PFKL: variants seen among roughly 807,000 people sequenced by gnomAD.
PFKL encodes phosphofructokinase, liver type.
In PFKL, 74 loss-of-function variants were observed where a neutral mutation model predicts 92.1. The ratio of observed to expected loss-of-function variants is 0.80; its 90% confidence interval spans 0.67 to 0.97. PFKL has a LOEUF of 0.97. PFKL is among the 50% of genes least tolerant of loss of function. The pLI is 0.00. For missense variants in PFKL, 1,028 were observed against 1,116.6 expected (o/e 0.92, Z 1.13); for synonymous variants, 494 against 456.4 (o/e 1.08, Z -1.05).
intron 10 of PFKL, among the ~76,000 whole-genome samples, chr21:44,319,104 C>T (rs754887934): frequency 2.0e-5 from 3 of 152,114 alleles, no homozygotes; most frequent in Non-Finnish European, 4.4e-5. Context: ...AGTGCCCTGC[C>T]TGGAGCTGGA....
At chr21:44,320,190 G>C in intron 12 of PFKL, 43 bp downstream of exon 12, 1 of 1,558,424 alleles carries the variant, frequency 6.4e-7, no homozygotes, top group African/African-American at 1.4e-5. Flanking sequence ...AACGGGCTCA[G>C]TTATTCTGCA....
At chr21:44,318,358 C>G in intron 9 of PFKL, 112 bp from the exon 10 acceptor site, 1 of 1,213,534 alleles carries the variant, frequency 8.2e-7, no homozygotes, top group East Asian at 2.8e-5. Flanking sequence ...CTGGAAGCTT[C>G]CGTCAGCGTG....
rs2146009409 is a variant in PFKL, at chr21:44,321,890, G to T, written c.1338+15G>T. 1 of 1,520,494 alleles carries T rather than the reference G, an allele frequency of 6.6e-7. No homozygotes were observed. The highest frequency in any genetic ancestry group is 8.8e-7 in the Non-Finnish European group (1 of 1,132,076). The allele number at this position is 1,520,494 out of a possible 1,614,324, so 94.2% of individuals were successfully genotyped here. The stretch of plus-strand genomic sequence containing the variant: ...CCAAGGGTCAGGTGGGTCCGGCCGG[G>T]GCAAACAAGTGAGGACTTGGGCCTT... On this transcript the variant is annotated intron_variant, in intron 13 of 21. Coordinates refer to ENST00000349048, the MANE Select transcript of PFKL (RefSeq NM_002626.6).
At chr21:44,316,214 C>T (rs747724992) in intron 7 of PFKL, 30 bp from the exon 8 acceptor site, 1 of 1,604,584 alleles carries the variant, frequency 6.2e-7, no homozygotes, top group South Asian at 1.1e-5. Flanking sequence ...CCCTGCCTGG[C>T]AGCTGAGCCC....
At chr21:44,318,322 C>T (rs929342391) in intron 9 of PFKL, 148 bp from the exon 10 acceptor site, 6 of 780,358 alleles carry the variant, frequency 7.7e-6, no homozygotes, top group South Asian at 3.2e-5. Context: ...TGGTCAGACA[C>T]GTTTCCATCT....
At chr21:44,314,628 G>A in intron 7 of PFKL, 1 of 153,280 alleles carries the variant, frequency 6.5e-6, no homozygotes, top group Non-Finnish European at 1.5e-5. Context: ...TGTCTGGAGT[G>A]GGGGTGCCTG....
Position 44,321,888 on chromosome 21 carries a change from G to A in PFKL, c.1338+13G>A, listed in dbSNP as rs1391786566. On this transcript the variant is annotated intron_variant, in intron 13 of 21. Transcript: ENST00000349048. ...AGCCAAGGGTCAGGTGGGTCCGGCC[G>A]GGGCAAACAAGTGAGGACTTGGGCC... 5.3e-6 allele frequency: 8 copies of A among 1,520,136 alleles called. No homozygotes were observed. Among genetic ancestry groups the A allele is most frequent in the African/African-American group, 4.2e-5 (3 of 72,004 alleles). 94.2% of individuals were successfully genotyped at this position (1,520,136 alleles called of 1,614,324 possible).
At chr21:44,317,738 C>T (rs117422197) in intron 9 of PFKL, among the ~76,000 whole-genome samples, 1 of 152,354 alleles carries the variant, frequency 6.6e-6, no homozygotes, top group East Asian at 1.9e-4. Context: ...TGGTAACCTG[C>T]ACTTTTCCAA....
chr21:44,309,125 C>T (rs2041040691), intron 2 of PFKL, among the ~76,000 whole-genome samples: 1 of 152,124 alleles, frequency 6.6e-6, no homozygotes, highest in South Asian at 2.1e-4. Flanking sequence ...TCAGGGAGAC[C>T]TGCGGCTGCG....
intron 21 of PFKL, among the ~76,000 whole-genome samples, chr21:44,326,476 TG>T (rs2047514095): frequency 6.6e-6 from 1 of 152,126 alleles, no homozygotes; most frequent in Admixed American, 6.5e-5. Flanking sequence ...CGGGTGGGCA[TG>T]GGGGCACAGC....
intron 12 of PFKL, 94 bp downstream of exon 12, chr21:44,320,241 C>G (rs572518771): frequency 3.7e-6 from 4 of 1,072,568 alleles, no homozygotes; most frequent in Non-Finnish European, 5.6e-6. Context: ...TGCCTGCCCC[C>G]ACCTTCCCTC....
rs373456669 is a variant in PFKL, at chr21:44,312,312, G to A, written c.427+18G>A. ...GGCGGAAGGTGGGTCTGTGCCCGGCGCACTGTAGGCCCTGGGGTTTTGTTT... is the reference window on the plus strand; with the variant it reads ...GGCGGAAGGTGGGTCTGTGCCCGGCACACTGTAGGCCCTGGGGTTTTGTTT... On this transcript the variant is annotated intron_variant, in intron 4 of 21. Coordinates refer to ENST00000349048, the MANE Select transcript of PFKL (RefSeq NM_002626.6). 5.2e-5 allele frequency: 82 copies of A among 1,567,382 alleles called. No individual in the cohort carries two copies. In the Middle Eastern group the frequency reaches 1.2e-3, roughly 23 times the overall value.
At chr21:44,315,782 G>A in intron 7 of PFKL, 1 of 212,662 alleles carries the variant, frequency 4.7e-6, no homozygotes, top group South Asian at 7.3e-5. Flanking sequence ...TGCCAGCGAT[G>A]CGGGGCCCCT....
chr21:44,308,345 T>G (rs1001465942), intron 2 of PFKL, among the ~76,000 whole-genome samples: 13 of 152,272 alleles, frequency 8.5e-5, no homozygotes, highest in Non-Finnish European at 7.4e-5. Context: ...AGGCAGATTT[T>G]GAGATGAGAC....
At position 44,318,606 on chromosome 21, in the gene PFKL, G is replaced by T; in HGVS notation, c.1062+11G>T. On this transcript the variant is annotated intron_variant, in intron 10 of 21. Coordinates refer to ENST00000349048, the MANE Select transcript of PFKL (RefSeq NM_002626.6). ...GAGTGCGTGCAGATGGTAAGCCCTG[G>T]GCCCCCCCCATCAGAACCGCCTGGC... The T allele has an allele frequency of 6.8e-7, 1 of 1,467,132 alleles. No homozygotes were observed. Among genetic ancestry groups the T allele is most frequent in the Non-Finnish European group, 9.1e-7 (1 of 1,095,796 alleles). 90.9% of individuals were successfully genotyped at this position (1,467,132 alleles called of 1,614,324 possible). A position where few individuals can be genotyped will look rare whatever the true frequency, so the allele number is the denominator to read the frequency against.
At position 44,327,185 on chromosome 21, in the gene PFKL, A is replaced by G. The variant is rs1462361640; in HGVS notation, c.*323A>G. On this transcript the variant is annotated 3_prime_UTR_variant, in exon 22 of 22. Transcript: ENST00000349048. The stretch of plus-strand genomic sequence containing the variant: ...CCCCATGGGCCCTCAGCGTCTCCCC[A>G]TGCTGGGCTCACTACATGGGCCAGC... 12 of 406,054 alleles carry G rather than the reference A, an allele frequency of 3.0e-5. No homozygotes were observed. Among genetic ancestry groups the G allele is most frequent in the Non-Finnish European group, 5.1e-5 (11 of 215,998 alleles). 25.2% of individuals were successfully genotyped at this position (406,054 alleles called of 1,614,324 possible).
At chr21:44,300,998 A>T (rs918549975) in intron 1 of PFKL, among the ~76,000 whole-genome samples, 16 of 152,186 alleles carry the variant, frequency 1.1e-4, no homozygotes, top group African/African-American at 3.9e-4. Flanking sequence ...AGGAGACCAG[A>T]AGTGAGGTGC....
Position 44,323,045 on chromosome 21 carries a change from T to C in PFKL, c.1493T>C (p.Phe498Ser). Residue 498 changes from phenylalanine to serine, a missense_variant, in exon 15 of 22, where the codon TTT (phenylalanine) becomes TCT (serine). By Grantham distance (155) the Phe-to-Ser change is radical (BLOSUM62 -2). Transcript: ENST00000349048. ...GIHALLVVGG[F>S]EAYEGVLQLV... Reference sequence around the variant, plus strand: ...CACGCCCTGCTGGTGGTCGGTGGGTTTGAGGTGAGAGCTGCCCACGGACGA... The same window carrying C: ...CACGCCCTGCTGGTGGTCGGTGGGTCTGAGGTGAGAGCTGCCCACGGACGA... The C allele has an allele frequency of 1.2e-6, 2 of 1,612,262 alleles. No individual in the cohort carries two copies. Among genetic ancestry groups the C allele is most frequent in the Non-Finnish European group, 1.7e-6 (2 of 1,179,100 alleles).
In PFKL at chr21:44,326,722, A is replaced by C. The variant is rs568750535; in HGVS notation, c.2203A>C (p.Met735Leu). 3 of 1,611,896 alleles carry C rather than the reference A, an allele frequency of 1.9e-6. No homozygotes were observed. The East Asian group carries it at 6.7e-5, about 36-fold the overall frequency. ...LKKDTDFEHR[M>L]PREQWWLSLR... ...CATCCCCGTCCTGCACAGGCACCGC[A>C]TGCCACGGGAGCAGTGGTGGCTGAG... The change falls in exon 22 of 22, where the codon ATG (methionine) becomes CTG (leucine). Residue 735 changes from methionine to leucine, a missense_variant. Transcript: ENST00000349048.
Sources: gnomAD v4.1 joint callset for allele counts (sites outside exome capture counted in the v4.1 genomes callset) on GRCh38, gnomAD v4.1.1 for gene constraint, MANE v1.5 for transcripts, NCBI Gene and HGNC (gene_info 2026-07-23, HGNC 2026-07-21) for gene names.